Variants in TSPOAP1 observed in about 807,000 individuals in gnomAD.
The protein encoded by TSPOAP1 is TSPO associated protein 1, also known as peripheral-type benzodiazepine receptor-associated protein 1.
Under a neutral mutation model 197.0 loss-of-function variants are expected in TSPOAP1, and 87 were observed. The observed-to-expected ratio is 0.44, with a 90% CI of 0.37 to 0.53. The LOEUF (loss-of-function observed/expected upper bound fraction) is 0.53. TSPOAP1 is among the 20% of genes least tolerant of loss of function. The probability of loss-of-function intolerance (pLI) is 0.00; values close to 1 mark genes in which losing one functional copy is unlikely to be tolerated. For missense variants in TSPOAP1, 2,174 were observed against 2,411.3 expected, an observed-to-expected ratio of 0.90 and a Z score of 2.06; for synonymous variants, 913 against 998.9, an observed-to-expected ratio of 0.91 and a Z score of 1.62.
chr17:58,304,226 T>C lies in TSPOAP1; in HGVS notation c.*32+112A>G. 4.4e-6 allele frequency: 4 copies of C among 899,438 alleles called. No individual in the cohort carries two copies. In the Admixed American group the frequency reaches 8.5e-5, roughly 19 times the overall value. The allele number at this position is 899,438 out of a possible 1,614,324, so 55.7% of individuals were successfully genotyped here. ...TGGCAAGCTCTCCTTCGCCATTCCC[T>C]GGACTACAGTGGGAAAGCTGGGTCA... On this transcript the variant is annotated intron_variant, in intron 31 of 31. Transcript: ENST00000343736. This position sits in a 1 kb window ranked among gnomAD's most constrained non-coding sequence, Gnocchi z 4.2.
Position 58,327,727 on chromosome 17 carries a change from C to T in TSPOAP1, c.194G>A (p.Gly65Glu). Reference sequence around the variant, plus strand: ...CCCCACGGGCCTGGAGCTCCCGTCTCCTTTGGGCTTGGAACTCTCCTCAGA... The same window carrying T: ...CCCCACGGGCCTGGAGCTCCCGTCTTCTTTGGGCTTGGAACTCTCCTCAGA... ...LRSEESSKPKGDGSSRPVGGT... is the reference protein window; with the variant it reads ...LRSEESSKPKEDGSSRPVGGT... The change falls in exon 1 of 32, where the codon GGA (glycine) becomes GAA (glutamate). Residue 65 changes from glycine (G) to glutamate (E), a missense_variant. This residue lies in a region of TSPOAP1 where 1,933 missense variants were observed against 2,139.0 expected (regional missense o/e 0.90). Transcript: ENST00000343736. The T allele has an allele frequency of 6.2e-7, 1 of 1,614,216 alleles. No homozygotes were observed. The highest frequency in any genetic ancestry group is 8.5e-7 in the Non-Finnish European group (1 of 1,180,044).
At chr17:58,319,539 C>T (rs113604354) in intron 12 of TSPOAP1, among the ~76,000 whole-genome samples, 1 of 152,230 alleles carries the variant, frequency 6.6e-6, no homozygotes, top group Admixed American at 6.5e-5. Context: ...CGGGGCCTGC[C>T]ACACACTCAC....
Position 58,304,444 on chromosome 17 carries a change from C to A in TSPOAP1, c.5545-45G>T. On this transcript the variant is annotated intron_variant, in intron 30 of 31. Transcript: ENST00000343736. The surrounding 1 kb of genome is among the most constrained non-coding windows in gnomAD (Gnocchi z 4.2). ...AGAGGAGATGGGTTACCGACAGACC[C>A]GCACCTTCTCCGCCCGGCCACCAGG... 1.3e-6 allele frequency: 2 copies of A among 1,549,394 alleles called. No homozygotes were observed. The highest frequency in any genetic ancestry group is 2.7e-5 in the African/African-American group (2 of 73,646).
intron 15 of TSPOAP1, 65 bp downstream of exon 15, chr17:58,316,360 C>T: frequency 6.9e-7 from 1 of 1,442,300 alleles, no homozygotes; most frequent in Non-Finnish European, 9.6e-7. Flanking sequence ...CCAGCTCCAC[C>T]CGGCCCCCTC....
Position 58,304,311 on chromosome 17 carries a change from C to A in TSPOAP1, c.*32+27G>T. 1 of 1,601,406 alleles carries A rather than the reference C, an allele frequency of 6.2e-7. No individual in the cohort carries two copies. The highest frequency in any genetic ancestry group is 1.1e-5 in the South Asian group (1 of 90,590). On this transcript the variant is annotated intron_variant, in intron 31 of 31. Transcript: ENST00000343736. The surrounding 1 kb of genome is among the most constrained non-coding windows in gnomAD (Gnocchi z 4.2). ...TTATGGTCAAGTGGGGGTGGACGGT[C>A]ACACAGGGGGGCAGTCCCCCACTTA... is the stretch of plus-strand genomic sequence containing the variant.
rs777317556 is a variant in TSPOAP1, at chr17:58,312,326, C to T, written c.2495G>A (p.Arg832Gln). ...GFHICVNGEL[R>Q]QALGPGAPPK... The stretch of plus-strand genomic sequence containing the variant: ...TGGCGCCCCAGGCCCCAGGGCCTGT[C>T]GCAGCTCCCCATTCACACAGATATG... Residue 832 changes from arginine (R) to glutamine (Q), a missense_variant, in exon 17 of 32, where the codon CGA becomes CAA. Transcript: ENST00000343736. The T allele has an allele frequency of 1.2e-5, 19 of 1,612,612 alleles. No homozygotes were observed. Among genetic ancestry groups the T allele is most frequent in the African/African-American group, 2.7e-5 (2 of 74,926 alleles).
At chr17:58,321,332 C>G (rs1971399707) in intron 10 of TSPOAP1, among the ~76,000 whole-genome samples, 2 of 150,488 alleles carry the variant, frequency 1.3e-5, no homozygotes, top group Admixed American at 6.6e-5. Context: ...GAGTCTCGCT[C>G]TGTCGCCCAG....
chr17:58,308,644 T>A lies in TSPOAP1; in HGVS notation c.4628A>T (p.Asn1543Ile), dbSNP rs369628618. The A allele has an allele frequency of 6.2e-7, 1 of 1,609,778 alleles. No homozygotes were observed. The highest frequency in any genetic ancestry group is 1.7e-5 in the Admixed American group (1 of 59,884). Residue 1543 changes from asparagine (N) to isoleucine (I), a missense_variant, in exon 22 of 32, where the codon AAT (asparagine) becomes ATT (isoleucine). By Grantham distance (149) the Asn-to-Ile change is moderately radical. Transcript: ENST00000343736. ...GCGTGGGTAGGGCTTGGGGCCTGAA[T>A]TGGCCTTCGGAGGCCCCCTGGGCCT... is the stretch of plus-strand genomic sequence containing the variant. The part of the protein sequence containing the change: ...VGRPRGPPKA[N>I]SGPKPYPRLP...
chr17:58,314,756 A>T (rs1348231540), intron 16 of TSPOAP1, among the ~76,000 whole-genome samples: 2 of 152,250 alleles, frequency 1.3e-5, no homozygotes, highest in African/African-American at 4.8e-5. Context: ...AGTGGGAGAC[A>T]AAGGCAGGAG....
In TSPOAP1 at chr17:58,327,699, T is replaced by G. The variant is rs140147702; in HGVS notation, c.222A>C (p.Gly74=). The stretch of plus-strand genomic sequence containing the variant: ...AAGCCTCTGCTCCTTCAGGGTCAGT[T>G]CCCCCCACGGGCCTGGAGCTCCCGT... The part of the protein sequence containing the change: ...KGDGSSRPVG[G]TDPEGAEACL... Residue 74 remains glycine, a synonymous_variant, in exon 1 of 32, where the codon GGA becomes GGC. Transcript: ENST00000343736. 3.1e-6 allele frequency: 5 copies of G among 1,613,784 alleles called. No homozygotes were observed. The African/African-American group carries it at 6.7e-5, about 22-fold the overall frequency.
In TSPOAP1 at chr17:58,323,038, TC is replaced by T; in HGVS notation, c.1105del (p.Glu369AsnfsTer4). On this transcript the variant is annotated frameshift_variant and splice_region_variant, in exon 8 of 32. Coordinates refer to ENST00000343736, the MANE Select transcript of TSPOAP1 (RefSeq NM_004758.4). LOFTEE classifies it high-confidence loss of function. ...RKKQRRCEEL[E>X]LQLRQAQNEN... is the part of the protein sequence containing the mutation. The stretch of plus-strand genomic sequence containing the variant: ...ATTCTGCGCTTGTCTCAGCTGCAGT[TC>T]CTGAGCGGGCAGAGGAGCTCTCAGG... 6.2e-7 allele frequency: 1 copy of T among 1,606,780 alleles called. No homozygotes were observed. The highest frequency in any genetic ancestry group is 8.5e-7 in the Non-Finnish European group (1 of 1,176,726).
rs886407935 is a variant in TSPOAP1 at position 58,313,206 on chromosome 17, G to A, written c.2099-484C>T. On this transcript the variant is annotated intron_variant, in intron 16 of 31. Transcript: ENST00000343736. ...GTTTTAACAATTGTTGAATCTAGGT[G>A]CTGGCTATATAAATATTCAAATATA... 5.3e-5 allele frequency among the ~76,000 whole-genome samples: 8 copies of A among 152,144 alleles called. No homozygotes were observed. The South Asian group carries it at 1.7e-3, about 32-fold the overall frequency.
intron 5 of TSPOAP1, 48 bp from the exon 6 acceptor site, chr17:58,323,593 AG>A: frequency 1.9e-6 from 3 of 1,590,268 alleles, no homozygotes; most frequent in Non-Finnish European, 1.7e-6. Context: ...ACAGGGCCCC[AG>A]GGCAGCCTGC....
At chr17:58,315,887 G>GA in intron 16 of TSPOAP1, 136 bp downstream of exon 16, 1 of 808,162 alleles carries the variant, frequency 1.2e-6, no homozygotes, top group East Asian at 2.6e-5. Context: ...ACGCTGGGCA[G>GA]AGGGGATGGA....
intron 16 of TSPOAP1, 87 bp downstream of exon 16, chr17:58,315,936 G>GATGGATGGATGGATGGATGA (rs1971218730): frequency 2.1e-5 from 14 of 663,748 alleles, no homozygotes; most frequent in Non-Finnish European, 3.1e-5. Flanking sequence ...TGGATGAATG[G>GATGGATGGATGGATGGATGA]ATGGATGGAT....
At chr17:58,319,338 C>T in intron 12 of TSPOAP1, 44 bp from the exon 13 acceptor site, 2 of 1,531,796 alleles carry the variant, frequency 1.3e-6, no homozygotes, top group African/African-American at 1.4e-5. Context: ...CTCAAAGCTA[C>T]CCAGTGCCAG....
At chr17:58,306,571 A>T in intron 25 of TSPOAP1, 158 bp from the exon 26 acceptor site, 1 of 936,132 alleles carries the variant, frequency 1.1e-6, no homozygotes, top group Non-Finnish European at 1.6e-6. Flanking sequence ...AACCTCCAGG[A>T]CCCAAAATTC....
intron 31 of TSPOAP1, chr17:58,303,478 C>G (rs1970780825): frequency 6.6e-6 from 1 of 152,132 alleles, no homozygotes; most frequent in Non-Finnish European, 1.5e-5. Context: ...CCCAACCAGC[C>G]AGAGCCAATA....
intron 16 of TSPOAP1, among the ~76,000 whole-genome samples, chr17:58,314,786 T>C (rs943251062): frequency 3.9e-5 from 6 of 152,246 alleles, no homozygotes; most frequent in Non-Finnish European, 8.8e-5. Context: ...TAAGAGGATC[T>C]CCAGCCTGCA....
Sources: gnomAD v4.1 joint callset for allele counts (sites outside exome capture counted in the v4.1 genomes callset) on GRCh38, gnomAD v4.1.1 for gene constraint, gnomAD v4.1.1 regional missense constraint, Gnocchi (gnomAD v3.1) non-coding constraint, MANE v1.5 for transcripts, NCBI Gene and HGNC (gene_info 2026-07-23, HGNC 2026-07-21) for gene names.